MCC: variants seen among roughly 807,000 people sequenced by gnomAD.
The protein encoded by MCC is colorectal mutant cancer protein.
MCC carries 90 observed loss-of-function variants against 116.2 expected under a neutral mutation model. That is an observed-to-expected ratio of 0.77 (90% CI 0.65 to 0.92). The LOEUF is 0.92. Among genes scored for constraint, MCC ranks in the 40% least tolerant of loss-of-function variants. The pLI is 0.00. For missense variants in MCC, 1,516 were observed against 1,312.2 expected (o/e 1.16, Z -2.40); for synonymous variants, 578 against 510.5 (o/e 1.13, Z -1.78).
intron 3 of MCC, among the ~76,000 whole-genome samples, chr5:113,163,613 G>A (rs1056807744): frequency 6.6e-5 from 10 of 152,102 alleles, no homozygotes; most frequent in East Asian, 3.9e-4. Context: ...TCAAGAGGCT[G>A]GGGAAATAGC....
chr5:113,220,172 C>T (rs112810998), intron 3 of MCC, among the ~76,000 whole-genome samples: 4,938 of 91,430 alleles, frequency 0.054, 1,851 homozygotes, highest in Non-Finnish European at 0.093. Flanking sequence ...ATTTTCCTGC[C>T]GCAGCCTCCT....
At chr5:113,236,245 G>A (rs556135630) in intron 3 of MCC, among the ~76,000 whole-genome samples, 1 of 152,306 alleles carries the variant, frequency 6.6e-6, no homozygotes, top group East Asian at 1.9e-4. Context: ...AAACCAATAT[G>A]CCTGAGCCTA....
At chr5:113,469,944 C>G (rs1304141155) in intron 1 of MCC, among the ~76,000 whole-genome samples, 1 of 152,182 alleles carries the variant, frequency 6.6e-6, no homozygotes, top group Non-Finnish European at 1.5e-5. Context: ...TAATGGCCTT[C>G]TTTGTCTCTT....
At chr5:113,315,980 C>T (rs775516811) in intron 3 of MCC, among the ~76,000 whole-genome samples, 12 of 151,928 alleles carry the variant, frequency 7.9e-5, no homozygotes, top group East Asian at 1.9e-4. Flanking sequence ...ACACGTTGGC[C>T]GGGCATGGTG....
chr5:113,092,817 T>C (rs1377235818), intron 8 of MCC, among the ~76,000 whole-genome samples: 1 of 152,178 alleles, frequency 6.6e-6, no homozygotes, highest in Non-Finnish European at 1.5e-5. Context: ...AGCAAGACTA[T>C]ACACACTCTG....
chr5:113,423,826 C>G (rs1453949191), intron 1 of MCC, among the ~76,000 whole-genome samples: 1 of 152,156 alleles, frequency 6.6e-6, no homozygotes, highest in Non-Finnish European at 1.5e-5. Context: ...CTGATCCCCA[C>G]TTGCTTCTGG....
chr5:113,431,770 G>C (rs917627461), intron 1 of MCC, among the ~76,000 whole-genome samples: 5 of 143,774 alleles, frequency 3.5e-5, no homozygotes, highest in African/African-American at 9.9e-5. Flanking sequence ...CCAAGGGGGG[G>C]GGGGGGTGGA....
At chr5:113,327,326 C>T (rs1017268025) in intron 3 of MCC, among the ~76,000 whole-genome samples, 5 of 151,820 alleles carry the variant, frequency 3.3e-5, no homozygotes, top group Non-Finnish European at 7.4e-5. Flanking sequence ...GCAGGCAGAT[C>T]ACCTGAGGTC....
intron 3 of MCC, among the ~76,000 whole-genome samples, chr5:113,195,363 T>A (rs1259480438): frequency 6.6e-6 from 1 of 152,150 alleles, no homozygotes; most frequent in Non-Finnish European, 1.5e-5. Context: ...ACTAATAGAA[T>A]TAGACCTACA....
intron 1 of MCC, among the ~76,000 whole-genome samples, chr5:113,425,923 T>C (rs1580358589): frequency 6.6e-6 from 1 of 152,098 alleles, no homozygotes; most frequent in Non-Finnish European, 1.5e-5. Flanking sequence ...GAGTTGGCAA[T>C]ACTCTGAAGC....
chr5:113,325,852 T>A (rs903108150), intron 3 of MCC, among the ~76,000 whole-genome samples: 14 of 152,272 alleles, frequency 9.2e-5, no homozygotes, highest in African/African-American at 3.4e-4. Context: ...CCTTTCTGAA[T>A]TCACTGGAAA....
chr5:113,231,888 A>G (rs539146521), intron 3 of MCC, among the ~76,000 whole-genome samples: 24 of 152,272 alleles, frequency 1.6e-4, no homozygotes, highest in Admixed American at 1.3e-3. Flanking sequence ...CTACCTTAGT[A>G]GACTTCAACT....
chr5:113,302,001 C>A (rs1336919623), intron 3 of MCC, among the ~76,000 whole-genome samples: 1 of 152,174 alleles, frequency 6.6e-6, no homozygotes, highest in Non-Finnish European at 1.5e-5. Flanking sequence ...CAAGCTTTAC[C>A]ACTAGGTAAC....
intron 8 of MCC, among the ~76,000 whole-genome samples, chr5:113,093,322 C>G (rs1755772457): frequency 6.6e-6 from 1 of 152,140 alleles, no homozygotes; most frequent in South Asian, 2.1e-4. Context: ...GTAGTCCCAG[C>G]TACTCAGGCA....
At chr5:113,289,570 C>G (rs1766405906) in intron 3 of MCC, among the ~76,000 whole-genome samples, 1 of 152,120 alleles carries the variant, frequency 6.6e-6, no homozygotes, top group Non-Finnish European at 1.5e-5. Flanking sequence ...TTTAAGAGAA[C>G]AGGCACCTTT....
At chr5:113,096,356 C>G (rs954854815) in intron 8 of MCC, among the ~76,000 whole-genome samples, 1 of 152,166 alleles carries the variant, frequency 6.6e-6, no homozygotes, top group Non-Finnish European at 1.5e-5. Flanking sequence ...GTGCTACACC[C>G]CATTTACTGA....
At chr5:113,028,853 G>C in intron 18 of MCC, 81 bp downstream of exon 18, 3 of 1,484,990 alleles carry the variant, frequency 2.0e-6, no homozygotes, top group Non-Finnish European at 2.8e-6. Context: ...GTCCATCCCT[G>C]GTGCTGTGTC....
chr5:113,392,987 C>T (rs1282224293), intron 1 of MCC, among the ~76,000 whole-genome samples: 1 of 152,028 alleles, frequency 6.6e-6, no homozygotes, highest in Non-Finnish European at 1.5e-5. Context: ...GTAAAGACAT[C>T]AAGTTGAAGA....
At chr5:113,061,553 G>A (rs1175070717) in intron 14 of MCC, among the ~76,000 whole-genome samples, 2 of 152,184 alleles carry the variant, frequency 1.3e-5, no homozygotes, top group Non-Finnish European at 2.9e-5. Flanking sequence ...AAAATGAAGT[G>A]GCACCGACCC....
Sources: gnomAD v4.1 joint callset for allele counts (sites outside exome capture counted in the v4.1 genomes callset) on GRCh38, gnomAD v4.1.1 for gene constraint, MANE v1.5 for transcripts, NCBI Gene and HGNC (gene_info 2026-07-23, HGNC 2026-07-21) for gene names.